SLC7A2: variants seen among roughly 807,000 people sequenced by gnomAD.
SLC7A2 encodes cationic amino acid transporter 2.
Under a neutral mutation model 58.9 loss-of-function variants are expected in SLC7A2, and 48 were observed. The observed-to-expected ratio is 0.82, with a 90% CI of 0.65 to 1.04. The LOEUF (loss-of-function observed/expected upper bound fraction) is 1.04, where lower values mean the gene tolerates loss of function less well. Among genes scored for constraint, SLC7A2 ranks in the 50% least tolerant of loss-of-function variants. The pLI is 0.00. For synonymous variants in SLC7A2, 363 were observed against 314.5 expected (o/e 1.15, Z -1.63); for missense variants, 1,029 against 818.8 (o/e 1.26, Z -3.13).
At chr8:17,547,317 G>A (rs1802219780) in intron 4 of SLC7A2, among the ~76,000 whole-genome samples, 1 of 152,054 alleles carries the variant, frequency 6.6e-6, no homozygotes. Context: ...ATCTCATGAG[G>A]TGTATTCAGT....
At position 17,551,959 on chromosome 8, in the gene SLC7A2, C is replaced by T. The variant is rs1312696396; in HGVS notation, c.1028C>T (p.Ala343Val). 1.2e-6 allele frequency: 2 copies of T among 1,613,862 alleles called. No individual in the cohort carries two copies. Among genetic ancestry groups the T allele is most frequent in the Non-Finnish European group, 1.7e-6 (2 of 1,179,958 alleles). ...GGTCCTGCCAAATATGTCGTCGCAG[C>T]TGGTTCTCTCTGCGCCTTGTCAACA... ...GWGPAKYVVA[A>V]GSLCALSTSL... The change falls in exon 7 of 13, where the codon GCT becomes GTT. Residue 343 changes from alanine (A) to valine (V), a missense_variant. Transcript: ENST00000494857.
intron 8 of SLC7A2, among the ~76,000 whole-genome samples, chr8:17,556,191 C>A (rs953369366): frequency 2.0e-5 from 3 of 151,908 alleles, no homozygotes; most frequent in African/African-American, 7.3e-5. Flanking sequence ...GATGTGAAGC[C>A]CATTTTATTT....
rs570358434 is a variant in SLC7A2, at chr8:17,532,555, G to A, written c.-22-10763G>A. Among the ~76,000 whole-genome samples, 46 of 152,076 alleles carry A rather than the reference G, an allele frequency of 3.0e-4. 1 individual carries two copies. In the East Asian group the frequency reaches 6.6e-3, roughly 22 times the overall value. Reference sequence around the variant, plus strand: ...AAATGTCTTAAGTCTTGATCTTTTAGAGAAACTGACAGTTTGTTGAACAGC... The same window carrying A: ...AAATGTCTTAAGTCTTGATCTTTTAAAGAAACTGACAGTTTGTTGAACAGC... On this transcript the variant is annotated intron_variant, in intron 2 of 12. Coordinates refer to ENST00000494857, the MANE Select transcript of SLC7A2 (RefSeq NM_001370338.1).
At chr8:17,537,762 C>T (rs1046199714) in intron 2 of SLC7A2, among the ~76,000 whole-genome samples, 3 of 152,154 alleles carry the variant, frequency 2.0e-5, no homozygotes, top group African/African-American at 4.8e-5. Flanking sequence ...TGGAGACCTA[C>T]GGGCATGGGC....
chr8:17,496,021 C>T (rs1175398420), upstream of SLC7A2, among the ~76,000 whole-genome samples: 1 of 152,214 alleles, frequency 6.6e-6, no homozygotes, highest in Non-Finnish European at 1.5e-5. Flanking sequence ...TGTATATGTA[C>T]TGTGAGGCAG....
chr8:17,561,471 G>C (rs145007530), intron 10 of SLC7A2, among the ~76,000 whole-genome samples: 6 of 152,140 alleles, frequency 3.9e-5, no homozygotes, highest in Non-Finnish European at 7.4e-5. Flanking sequence ...CTTGCACTGG[G>C]TTCCTCCCAT....
intron 2 of SLC7A2, among the ~76,000 whole-genome samples, chr8:17,514,192 A>C (rs529947895): frequency 6.6e-6 from 1 of 152,138 alleles, no homozygotes; most frequent in South Asian, 2.1e-4. Context: ...AGTAACAGAC[A>C]TGAATGAAAC....
chr8:17,551,924 T>C lies in SLC7A2; in HGVS notation c.993T>C (p.Tyr331=). ...EKSPLPVAFE[Y]VGWGPAKYVV... is the part of the protein sequence containing the mutation. ...GCCCCCTTCCTGTAGCGTTTGAATA[T>C]GTGGGATGGGGTCCTGCCAAATATG... Residue 331 remains tyrosine (Y), a synonymous_variant, in exon 7 of 13, where the codon TAT becomes TAC. Transcript: ENST00000494857. 3 of 1,614,044 alleles carry C rather than the reference T, an allele frequency of 1.9e-6. No homozygotes were observed. Among genetic ancestry groups the C allele is most frequent in the Middle Eastern group, 3.3e-4 (2 of 6,062 alleles).
At chr8:17,501,352 G>T (rs1314935070) in intron 1 of SLC7A2, among the ~76,000 whole-genome samples, 2 of 152,136 alleles carry the variant, frequency 1.3e-5, no homozygotes, top group African/African-American at 4.8e-5. Context: ...TCTGAGAAAG[G>T]CCTCTGCTGC....
chr8:17,503,351 A>T (rs1010038331), intron 2 of SLC7A2, among the ~76,000 whole-genome samples: 1 of 152,084 alleles, frequency 6.6e-6, no homozygotes, highest in Non-Finnish European at 1.5e-5. Context: ...CGCCCGGCTG[A>T]AAACATCTTT....
At chr8:17,533,502 A>G (rs1801541414) in intron 2 of SLC7A2, among the ~76,000 whole-genome samples, 1 of 152,230 alleles carries the variant, frequency 6.6e-6, no homozygotes, top group Non-Finnish European at 1.5e-5. Flanking sequence ...TTGAATTCTA[A>G]CAATTAATTA....
chr8:17,502,581 T>G (rs1800204342), intron 2 of SLC7A2, among the ~76,000 whole-genome samples: 1 of 152,196 alleles, frequency 6.6e-6, no homozygotes, highest in Non-Finnish European at 1.5e-5. Context: ...GTATCACTGA[T>G]TCACTTTCCA....
At chr8:17,515,090 C>T (rs1800749820) in intron 2 of SLC7A2, among the ~76,000 whole-genome samples, 1 of 152,008 alleles carries the variant, frequency 6.6e-6, no homozygotes, top group Admixed American at 6.5e-5. Flanking sequence ...GTTGCTAACA[C>T]TGAAAAAAGA....
At chr8:17,501,782 G>A (rs1800170985) in intron 1 of SLC7A2, among the ~76,000 whole-genome samples, 1 of 151,832 alleles carries the variant, frequency 6.6e-6, no homozygotes, top group Non-Finnish European at 1.5e-5. Flanking sequence ...TGGCACTGCT[G>A]CGTACTAGCC....
chr8:17,552,890 C>G (rs551245990), intron 7 of SLC7A2, among the ~76,000 whole-genome samples: 1 of 152,262 alleles, frequency 6.6e-6, no homozygotes, highest in Admixed American at 6.5e-5. Context: ...AATTTTTTAA[C>G]TGAAAATAAG....
chr8:17,535,590 G>T (rs962156690), intron 2 of SLC7A2, among the ~76,000 whole-genome samples: 4 of 152,188 alleles, frequency 2.6e-5, no homozygotes, highest in Non-Finnish European at 4.4e-5. Context: ...GAATAAAGTA[G>T]TGGAAGTATT....
chr8:17,540,266 C>T (rs980708630), intron 2 of SLC7A2, among the ~76,000 whole-genome samples: 13 of 152,022 alleles, frequency 8.6e-5, no homozygotes, highest in East Asian at 5.8e-4. Flanking sequence ...TTTTGCAATC[C>T]GTATTTTACC....
intron 2 of SLC7A2, among the ~76,000 whole-genome samples, chr8:17,515,695 T>C (rs1396565104): frequency 1.3e-5 from 2 of 152,210 alleles, no homozygotes; most frequent in African/African-American, 4.8e-5. Flanking sequence ...ACTATTGGTT[T>C]ATACAGTACA....
In SLC7A2 at chr8:17,562,018, C is replaced by G; in HGVS notation, c.1579C>G (p.Leu527Val). Residue 527 changes from leucine to valine, a missense_variant, in exon 11 of 13, where the codon CTC becomes GTC. Leu to Val is a conservative substitution (Grantham distance 32). Coordinates refer to ENST00000494857, the MANE Select transcript of SLC7A2 (RefSeq NM_001370338.1). ...HAITRLEAWSLALLALFLVLF... is the reference protein window; with the variant it reads ...HAITRLEAWSVALLALFLVLF... Reference sequence around the variant, plus strand: ...CATCACCAGGCTGGAGGCCTGGAGCCTCGCTCTCCTCGCGCTGTTTCTTGT... The same window carrying G: ...CATCACCAGGCTGGAGGCCTGGAGCGTCGCTCTCCTCGCGCTGTTTCTTGT... 6.2e-7 allele frequency: 1 copy of G among 1,613,996 alleles called. No individual in the cohort carries two copies. The highest frequency in any genetic ancestry group is 8.5e-7 in the Non-Finnish European group (1 of 1,179,934).
Sources: gnomAD v4.1 joint callset for allele counts (sites outside exome capture counted in the v4.1 genomes callset) on GRCh38, gnomAD v4.1.1 for gene constraint, MANE v1.5 for transcripts, NCBI Gene and HGNC (gene_info 2026-07-23, HGNC 2026-07-21) for gene names.